The following CIB2 variants were observed in gnomAD, a reference collection of about 807,000 sequenced individuals.
The protein encoded by CIB2 is calcium and integrin-binding family member 2.
A neutral mutation model predicts 23.1 loss-of-function variants in CIB2; 19 were observed. The ratio of observed to expected loss-of-function variants is 0.82; its 90% confidence interval spans 0.57 to 1.21. CIB2 has a LOEUF of 1.21. CIB2 is among the 50% of genes most tolerant of loss of function. CIB2 has a pLI of 0.00. For missense variants in CIB2, 220 were observed against 241.5 expected (o/e 0.91, Z 0.59); for synonymous variants, 94 against 91.7 (o/e 1.03, Z -0.14).
At chr15:78,109,486 C>A (rs1370417517) in intron 3 of CIB2, 104 bp from the exon 4 acceptor site, 2 of 1,281,876 alleles carry the variant, frequency 1.6e-6, no homozygotes, top group East Asian at 4.6e-5. Context: ...GTGACCAAAT[C>A]CCTCTGAGCC....
chr15:78,123,750 A>G lies in CIB2; in HGVS notation c.52-11T>C. The G allele has an allele frequency of 1.2e-6, 2 of 1,614,046 alleles. No homozygotes were observed. The highest frequency in any genetic ancestry group is 1.1e-5 in the South Asian group (1 of 91,080). Reference sequence around the variant, plus strand: ...GAAGAAGGTGCAGTCCTGTTGAGGGAAAACACACAACACACAGTCAGTGTG... The same window carrying G: ...GAAGAAGGTGCAGTCCTGTTGAGGGGAAACACACAACACACAGTCAGTGTG... On this transcript the variant is annotated splice_polypyrimidine_tract_variant and intron_variant, in intron 1 of 5. Transcript: ENST00000258930.
At chr15:78,111,079 G>T (rs2074151415) in intron 3 of CIB2, 86 bp downstream of exon 3, 1 of 1,112,122 alleles carries the variant, frequency 9.0e-7, no homozygotes, top group Non-Finnish European at 1.4e-6. Flanking sequence ...AAAGGGTGGA[G>T]CTGGGTTCAG....
In CIB2 at chr15:78,111,244, T is replaced by A; in HGVS notation, c.119A>T (p.Asn40Ile). Residue 40 changes from asparagine (N) to isoleucine (I), a missense_variant, in exon 3 of 6, where the codon AAC becomes ATC. Transcript: ENST00000258930. ...LHSRFYELAPNLVPMDYRKSP... is the reference protein window; with the variant it reads ...LHSRFYELAPILVPMDYRKSP... ...CTTCCTGTAGTCCATTGGGACGAGGTTGGGGGCCAGCTCATAGAATCGCGA... is the reference window on the plus strand; with the variant it reads ...CTTCCTGTAGTCCATTGGGACGAGGATGGGGGCCAGCTCATAGAATCGCGA... 1 of 1,614,026 alleles carries A rather than the reference T, an allele frequency of 6.2e-7. No individual in the cohort carries two copies. Among genetic ancestry groups the A allele is most frequent in the Non-Finnish European group, 8.5e-7 (1 of 1,179,994 alleles).
intron 1 of CIB2, among the ~76,000 whole-genome samples, chr15:78,125,002 G>A (rs1055781782): frequency 7.2e-5 from 11 of 152,196 alleles, no homozygotes; most frequent in Admixed American, 2.0e-4. Context: ...CAACAAGTCT[G>A]TCCTTCTAAG....
intron 2 of CIB2, among the ~76,000 whole-genome samples, chr15:78,121,438 G>A (rs952989888): frequency 1.4e-4 from 22 of 152,092 alleles, no homozygotes; most frequent in Admixed American, 6.5e-5. Context: ...TTTCCAAGGG[G>A]CCAGGGATAC....
At position 78,131,120 on chromosome 15, in the gene CIB2, C is replaced by T. The variant is rs1367412215; in HGVS notation, c.51+45G>A. On this transcript the variant is annotated intron_variant, in intron 1 of 5. Transcript: ENST00000258930. This position sits in a 1 kb window ranked among gnomAD's most constrained non-coding sequence, Gnocchi z 5.8. Reference sequence around the variant, plus strand: ...AGCGACCGAGAAAAGGGAGGGGCGGCGGGGCGGCGGGGCCTGTGTTGGGGG... The same window carrying T: ...AGCGACCGAGAAAAGGGAGGGGCGGTGGGGCGGCGGGGCCTGTGTTGGGGG... 5.7e-6 allele frequency: 8 copies of T among 1,398,298 alleles called. No individual in the cohort carries two copies. Among genetic ancestry groups the T allele is most frequent in the East Asian group, 3.3e-5 (1 of 29,920 alleles). The allele number at this position is 1,398,298 out of a possible 1,614,324, so 86.6% of individuals were successfully genotyped here. A position where few individuals can be genotyped will look rare whatever the true frequency, so the allele number is the denominator to read the frequency against.
At chr15:78,121,632 C>G (rs146233491) in intron 2 of CIB2, among the ~76,000 whole-genome samples, 2 of 152,304 alleles carry the variant, frequency 1.3e-5, no homozygotes, top group South Asian at 4.1e-4. Context: ...GGCTTCTCCC[C>G]CTTTGCCCAG....
chr15:78,111,307 G>A (rs751060652), intron 2 of CIB2, 31 bp from the exon 3 acceptor site: 23 of 1,574,910 alleles, frequency 1.5e-5, no homozygotes, highest in Non-Finnish European at 1.5e-5. Flanking sequence ...AAGCGCTGGA[G>A]GGGGTGCCAT....
In CIB2 at chr15:78,131,089, T is replaced by C; in HGVS notation, c.51+76A>G. 1 of 1,355,034 alleles carries C rather than the reference T, an allele frequency of 7.4e-7. No individual in the cohort carries two copies. The allele number at this position is 1,355,034 out of a possible 1,614,324, so 83.9% of individuals were successfully genotyped here. A position where few individuals can be genotyped will look rare whatever the true frequency, so the allele number is the denominator to read the frequency against. On this transcript the variant is annotated intron_variant, in intron 1 of 5. Transcript: ENST00000258930. The surrounding 1 kb of genome is among the most constrained non-coding windows in gnomAD (Gnocchi z 5.8). The stretch of plus-strand genomic sequence containing the variant: ...TGGGAGAGCTGGCTCTCGGGAGGCC[T>C]CGGCCAGCGACCGAGAAAAGGGAGG...
intron 2 of CIB2, among the ~76,000 whole-genome samples, chr15:78,114,391 C>A (rs923894342): frequency 6.6e-6 from 1 of 152,110 alleles, no homozygotes; most frequent in Non-Finnish European, 1.5e-5. Context: ...GTCAAAGAAC[C>A]ACATCTCTGT....
At chr15:78,110,711 G>C (rs1403747626) in intron 3 of CIB2, 1 of 456,194 alleles carries the variant, frequency 2.2e-6, no homozygotes, top group African/African-American at 2.0e-5. Context: ...TACTGAGCCT[G>C]AATTGGCATT....
intron 3 of CIB2, chr15:78,110,787 GC>G (rs1183272204): frequency 6.5e-6 from 3 of 461,052 alleles, no homozygotes; most frequent in African/African-American, 4.0e-5. Context: ...GAGAAATGAT[GC>G]TATGGATGAC....
At chr15:78,126,392 A>G (rs1260387387) in intron 1 of CIB2, among the ~76,000 whole-genome samples, 4 of 152,184 alleles carry the variant, frequency 2.6e-5, no homozygotes, top group African/African-American at 9.7e-5. Flanking sequence ...TGTTCACCCA[A>G]CTAGGCTTCC....
intron 1 of CIB2, among the ~76,000 whole-genome samples, 189 bp downstream of exon 1, chr15:78,130,975 TC>T (rs1195567477): frequency 6.6e-6 from 1 of 151,950 alleles, no homozygotes; most frequent in Admixed American, 6.6e-5. Flanking sequence ...GAGCTCTTAT[TC>T]CACCGGTGGG....
At chr15:78,128,154 T>A (rs2074406162) in intron 1 of CIB2, among the ~76,000 whole-genome samples, 1 of 152,206 alleles carries the variant, frequency 6.6e-6, no homozygotes, top group South Asian at 2.1e-4. Flanking sequence ...TGGGGATGTA[T>A]ATGTGTCAGG....
chr15:78,113,532 CTTTCT>C (rs973106531), intron 2 of CIB2, among the ~76,000 whole-genome samples: 1 of 119,666 alleles, frequency 8.4e-6, no homozygotes, highest in African/African-American at 3.0e-5. Flanking sequence ...TTCTTTCTTT[CTTTCT>C]TTTTTTTTTT....
At chr15:78,130,623 T>C (rs1460285051) in intron 1 of CIB2, among the ~76,000 whole-genome samples, 1 of 152,158 alleles carries the variant, frequency 6.6e-6, no homozygotes, top group African/African-American at 2.4e-5. Context: ...GCTTGCGTTC[T>C]TGCTCCAGTT....
intron 2 of CIB2, chr15:78,120,548 T>G: frequency 1.0e-6 from 1 of 985,364 alleles, no homozygotes. Context: ...ACAAGGGAAG[T>G]TGAAGTGCTA....
chr15:78,116,040 T>G (rs72625800), intron 2 of CIB2, among the ~76,000 whole-genome samples: 19,735 of 152,090 alleles, frequency 0.13, 2,358 homozygotes, highest in East Asian at 0.58. Flanking sequence ...ATGTATAGAT[T>G]TTTTTTCTTG....
Sources: allele counts gnomAD v4.1 joint callset (sites outside exome capture counted in the v4.1 genomes callset), GRCh38; gene constraint gnomAD v4.1.1; non-coding constraint Gnocchi (gnomAD v3.1); transcripts MANE v1.5; gene names NCBI Gene and HGNC (gene_info 2026-07-23, HGNC 2026-07-21).